FAAH2: variants seen among roughly 807,000 people sequenced by gnomAD.
The protein encoded by FAAH2 is fatty acid amide hydrolase 2, also known as fatty-acid amide hydrolase 2.
A neutral mutation model predicts 36.9 loss-of-function variants in FAAH2; 60 were observed. That is an observed-to-expected ratio of 1.63 (90% CI 1.32 to 2.02). FAAH2 has a LOEUF of 2.02. FAAH2 is among the 30% of genes most tolerant of loss of function. The pLI, the probability that FAAH2 is intolerant of heterozygous loss-of-function variation, is 0.00. For missense variants in FAAH2, 689 were observed against 397.5 expected, an observed-to-expected ratio of 1.73 and a Z score of -6.23; for synonymous variants, 214 against 143.8, an observed-to-expected ratio of 1.49 and a Z score of -3.49.
chrX:57,420,450 G>A (rs1298389500), intron 7 of FAAH2, among the ~76,000 whole-genome samples: 1 of 111,549 alleles, frequency 9.0e-6, no homozygotes, highest in Non-Finnish European at 1.9e-5. Context: ...CTTGTAAGTT[G>A]GATTCCTAGG....
chrX:57,256,584 T>C, the FAAH2 span, among the ~76,000 whole-genome samples: 1 of 111,325 alleles, frequency 9.0e-6, no homozygotes, highest in Non-Finnish European at 1.9e-5. Flanking sequence ...CCTAGGACCA[T>C]AAAAATTCTA....
the FAAH2 span, among the ~76,000 whole-genome samples, chrX:57,217,451 T>A: frequency 8.9e-6 from 1 of 111,981 alleles, no homozygotes; most frequent in African/African-American, 3.2e-5. Context: ...CCTGAGTTGA[T>A]TTTTGAATAA....
chrX:57,370,326 G>A (rs968277424), intron 5 of FAAH2, among the ~76,000 whole-genome samples: 7 of 111,305 alleles, frequency 6.3e-5, no homozygotes, highest in African/African-American at 2.0e-4. Context: ...CTGCCCATGA[G>A]AGACGCATAT....
At chrX:57,431,771 G>GTTTTTTTTTTTTTTTTTTTTTTTTTT (rs1218617071) in intron 7 of FAAH2, 147 bp from the exon 8 acceptor site, 1 of 202,002 alleles carries the variant, frequency 5.0e-6, no homozygotes, top group Admixed American at 2.4e-4. Context: ...TTGTTTTTTT[G>GTTTTTTTTTTTTTTTTTTTTTTTTTT]TTTTTTTGTT....
chrX:57,466,867 G>A (rs1338407664), intron 10 of FAAH2, among the ~76,000 whole-genome samples: 1 of 111,199 alleles, frequency 9.0e-6, no homozygotes, highest in Admixed American at 9.6e-5. Context: ...CATTGTGGAT[G>A]TAGGATTGAT....
chrX:57,383,438 C>T (rs769591419), intron 7 of FAAH2, among the ~76,000 whole-genome samples: 1 of 111,935 alleles, frequency 8.9e-6, no homozygotes, highest in Non-Finnish European at 1.9e-5. Context: ...ATCTTCTCAG[C>T]CCAAAATCTC....
In FAAH2 at chrX:57,341,346, T is replaced by A; in HGVS notation, c.698T>A (p.Met233Lys). The change falls in exon 5 of 11, where the codon ATG (methionine) becomes AAG (lysine). Residue 233 changes from methionine to lysine, a missense_variant. Physicochemically the swap from Met to Lys is moderately conservative, Grantham distance 95. Coordinates refer to ENST00000374900, the MANE Select transcript of FAAH2 (RefSeq NM_174912.4). ...TCTGATATTGGTGGTAGCATTCGAA[T>A]GCCTGCTTTCTTCAATGGTATATTT... is the stretch of plus-strand genomic sequence containing the variant. ...VGSDIGGSIR[M>K]PAFFNGIFGH... The A allele has an allele frequency of 8.3e-7, 1 of 1,210,911 alleles. No homozygotes were observed.
At chrX:57,399,289 G>T (rs764291486) in intron 7 of FAAH2, among the ~76,000 whole-genome samples, 2 of 111,749 alleles carry the variant, frequency 1.8e-5, no homozygotes, top group African/African-American at 6.5e-5. Flanking sequence ...GTTTTGAAAA[G>T]GCCTGGTCCA....
At chrX:57,286,672 G>T (rs990820927), upstream of FAAH2, 1 of 498,650 alleles carries the variant, frequency 2.0e-6, no homozygotes. Context: ...AGCCCTGCAG[G>T]TGATGATAAA....
At chrX:57,305,322 A>C (rs1230360815) in intron 2 of FAAH2, among the ~76,000 whole-genome samples, 1 of 109,853 alleles carries the variant, frequency 9.1e-6, no homozygotes, top group Admixed American at 9.7e-5. Context: ...AGTGAATGAC[A>C]TTGCCAACTA....
intron 10 of FAAH2, among the ~76,000 whole-genome samples, chrX:57,476,075 A>C (rs975967039): frequency 8.9e-6 from 1 of 111,947 alleles, no homozygotes; most frequent in African/African-American, 3.2e-5. Flanking sequence ...GTTGCTTATC[A>C]GCAACTTAAG....
intron 7 of FAAH2, chrX:57,393,305 G>A (rs773829708): frequency 3.8e-4 from 368 of 963,820 alleles, no homozygotes; most frequent in Non-Finnish European, 4.9e-4. Flanking sequence ...CATTCCAGCA[G>A]TGACCATAGG....
At chrX:57,201,605 C>A in the FAAH2 span, among the ~76,000 whole-genome samples, 2 of 111,458 alleles carry the variant, frequency 1.8e-5, no homozygotes, top group East Asian at 2.8e-4. Context: ...TGTTCTGTAA[C>A]CTTTTTGTAG....
intron 10 of FAAH2, among the ~76,000 whole-genome samples, chrX:57,480,613 G>T (rs1317917225): frequency 8.9e-6 from 1 of 111,929 alleles, no homozygotes; most frequent in South Asian, 3.7e-4. Context: ...TCCATTATTG[G>T]TCTGTTCGGC....
chrX:57,159,994 T>G, the FAAH2 span, among the ~76,000 whole-genome samples: 2 of 112,038 alleles, frequency 1.8e-5, no homozygotes, highest in Non-Finnish European at 3.8e-5. Context: ...TAGCTCTTAT[T>G]ATTTTGAGAT....
chrX:57,488,420 G>T (rs1432555530), intron 10 of FAAH2, among the ~76,000 whole-genome samples: 1 of 111,430 alleles, frequency 9.0e-6, no homozygotes, highest in Non-Finnish European at 1.9e-5. Flanking sequence ...TAGAAATAAC[G>T]TCATGTGAAA....
chrX:57,191,051 A>C, the FAAH2 span, among the ~76,000 whole-genome samples: 1 of 111,507 alleles, frequency 9.0e-6, no homozygotes, highest in Non-Finnish European at 1.9e-5. Context: ...TTAGTATTTT[A>C]AGAAATCTCC....
intron 7 of FAAH2, among the ~76,000 whole-genome samples, chrX:57,410,657 A>G (rs1199101649): frequency 2.7e-5 from 3 of 111,108 alleles, no homozygotes; most frequent in Admixed American, 9.6e-5. Flanking sequence ...TACTTCAACT[A>G]TATCTTGCCT....
the FAAH2 span, among the ~76,000 whole-genome samples, chrX:57,149,652 T>C: frequency 1.8e-5 from 2 of 111,636 alleles, no homozygotes; most frequent in Non-Finnish European, 3.8e-5. Flanking sequence ...CTCTCTTTTC[T>C]TCTTTACTAG....
Sources: gnomAD v4.1 joint callset for allele counts (sites outside exome capture counted in the v4.1 genomes callset) on GRCh38, gnomAD v4.1.1 for gene constraint, MANE v1.5 for transcripts, NCBI Gene and HGNC (gene_info 2026-07-23, HGNC 2026-07-21) for gene names.